KIF1C: variants seen among roughly 807,000 people sequenced by gnomAD.
KIF1C encodes the protein kinesin family member 1C.
KIF1C carries 61 observed loss-of-function variants against 126.5 expected under a neutral mutation model. The ratio of observed to expected loss-of-function variants is 0.48; its 90% CI spans 0.39 to 0.60. The LOEUF is 0.60. Among genes scored for constraint, KIF1C ranks in the 20% least tolerant of loss-of-function variants. The pLI is 0.00. For synonymous variants in KIF1C, 640 were observed against 580.6 expected (o/e 1.10, Z -1.47); for missense variants, 1,315 against 1,489.2 (o/e 0.88, Z 1.93).
chr17:5,007,206 T>C (rs1974754811), intron 14 of KIF1C, 57 bp from the exon 15 acceptor site: 2 of 1,576,796 alleles, frequency 1.3e-6, no homozygotes, highest in South Asian at 2.3e-5. Context: ...AGGTTGTCCC[T>C]ACCCTGGGTC....
rs1974435364 is a variant in KIF1C at position 4,998,155 on chromosome 17, A to G, written c.-150A>G. On this transcript the variant is annotated splice_region_variant and 5_prime_UTR_variant, in exon 1 of 23. Coordinates refer to ENST00000320785, the MANE Select transcript of KIF1C (RefSeq NM_006612.6). ...CTGCTCCGGGAGCCCCGCCGCGCCG[A>G]GGTGAGGGCTGGGGAAGGGGGAGGG... 1 of 151,672 alleles carries G rather than the reference A, an allele frequency of 6.6e-6. No homozygotes were observed. The highest frequency in any genetic ancestry group is 2.4e-5 in the African/African-American group (1 of 41,260). The allele number at this position is 151,672 out of a possible 1,614,324, so 9.4% of individuals were successfully genotyped here. A position where few individuals can be genotyped will look rare whatever the true frequency, so the allele number is the denominator to read the frequency against.
intron 3 of KIF1C, 38 bp from the exon 4 acceptor site, chr17:5,000,734 C>G: frequency 6.3e-7 from 1 of 1,595,870 alleles, no homozygotes; most frequent in South Asian, 1.1e-5. Flanking sequence ...GAATACCTGA[C>G]CTTGACTTTC....
Position 5,023,758 on chromosome 17 carries a change from C to G in KIF1C, c.2919C>G (p.His973Gln), listed in dbSNP as rs767762952. 5.9e-6 allele frequency: 9 copies of G among 1,522,914 alleles called. No individual in the cohort carries two copies. The highest frequency in any genetic ancestry group is 7.0e-6 in the Non-Finnish European group (8 of 1,138,300). The allele number at this position is 1,522,914 out of a possible 1,614,324, so 94.3% of individuals were successfully genotyped here. Residue 973 changes from histidine (H) to glutamine (Q), a missense_variant, in exon 23 of 23, where the codon CAC becomes CAG. Around this residue, in one of 2 missense-constraint regions of KIF1C, gnomAD observed 441 missense variants for 436.1 expected, o/e 1.01. Transcript: ENST00000320785. The surrounding 1 kb of genome is among the most constrained non-coding windows in gnomAD (Gnocchi z 4.2). Reference protein sequence around the residue: ...RRPPARFVPPHDCKLRFPFKS... With the variant: ...RRPPARFVPPQDCKLRFPFKS... ...CCCCAGCCCGCTTTGTGCCCCCTCACGACTGCAAGCTACGCTTCCCCTTCA... is the reference window on the plus strand; with the variant it reads ...CCCCAGCCCGCTTTGTGCCCCCTCAGGACTGCAAGCTACGCTTCCCCTTCA...
chr17:5,020,452 G>A lies in KIF1C; in HGVS notation c.1751-40G>A. The A allele has an allele frequency of 6.4e-7, 1 of 1,566,688 alleles. No individual in the cohort carries two copies. The highest frequency in any genetic ancestry group is 8.7e-7 in the Non-Finnish European group (1 of 1,150,822). ...TGGGTGTAGGGATGGATTTGGTGCT[G>A]ATGGGAAGCGAGTTTACTTTTCCCT... On this transcript the variant is annotated intron_variant, in intron 19 of 22. Coordinates refer to ENST00000320785, the MANE Select transcript of KIF1C (RefSeq NM_006612.6). The surrounding 1 kb of genome is among the most constrained non-coding windows in gnomAD (Gnocchi z 5.8).
At chr17:5,004,298 C>T (rs1974674859) in intron 11 of KIF1C, among the ~76,000 whole-genome samples, 1 of 152,172 alleles carries the variant, frequency 6.6e-6, no homozygotes, top group South Asian at 2.1e-4. Flanking sequence ...CTCATGACCC[C>T]TCCCTGATCC....
chr17:5,009,161 T>G (rs1179735707), intron 16 of KIF1C, among the ~76,000 whole-genome samples: 1 of 150,164 alleles, frequency 6.7e-6, no homozygotes, highest in Non-Finnish European at 1.5e-5. Flanking sequence ...AAGTTTCCCC[T>G]CAGAGGCAGC....
chr17:5,022,333 C>T lies in KIF1C; in HGVS notation c.2252C>T (p.Ala751Val), dbSNP rs1472733846. ...WATMADLKMQ[A>V]VKEICYEVAL... The stretch of plus-strand genomic sequence containing the variant: ...ACCATGGCTGACCTGAAGATGCAGG[C>T]GGTGAAGGAGATCTGCTACGAGGTG... The change falls in exon 22 of 23, where the codon GCG becomes GTG. Residue 751 changes from alanine to valine, a missense_variant. By Grantham distance (64) the Ala-to-Val change is moderately conservative. This residue lies in a region of KIF1C where 874 missense variants were observed against 1,053.2 expected (regional missense o/e 0.83). Coordinates refer to ENST00000320785, the MANE Select transcript of KIF1C (RefSeq NM_006612.6). This position sits in a 1 kb window ranked among gnomAD's most constrained non-coding sequence, Gnocchi z 4.9. The T allele has an allele frequency of 6.9e-6, 11 of 1,603,078 alleles. No individual in the cohort carries two copies. The highest frequency in any genetic ancestry group is 2.3e-5 in the East Asian group (1 of 44,444).
At chr17:4,999,739 G>A (rs1303033434) in intron 1 of KIF1C, 111 bp from the exon 2 acceptor site, 4 of 169,252 alleles carry the variant, frequency 2.4e-5, no homozygotes, top group Admixed American at 1.6e-4. Context: ...AGGGGCAGCT[G>A]TCCGTACTTT....
intron 11 of KIF1C, among the ~76,000 whole-genome samples, chr17:5,004,358 T>C (rs1212777878): frequency 6.6e-6 from 1 of 152,080 alleles, no homozygotes; most frequent in East Asian, 1.9e-4. Context: ...CCTTCCATGG[T>C]TCTGTGACTG....
chr17:5,005,058 T>A, intron 13 of KIF1C, 58 bp downstream of exon 13: 1 of 1,607,956 alleles, frequency 6.2e-7, no homozygotes, highest in South Asian at 1.1e-5. Flanking sequence ...CCATCCCTCC[T>A]CACTTGCCTT....
At chr17:5,021,922 A>T (rs935246113) in intron 21 of KIF1C, among the ~76,000 whole-genome samples, 170 bp from the exon 22 acceptor site, 1 of 152,098 alleles carries the variant, frequency 6.6e-6, no homozygotes, top group African/African-American at 2.4e-5. Context: ...TGTTGTCTAG[A>T]AGAGCAGCGT....
At position 5,004,316 on chromosome 17, in the gene KIF1C, C is replaced by T. The variant is rs185237259; in HGVS notation, c.940+243C>T. ...ATGACCCCTCCCTGATCCCTGATCT[C>T]ACACCCACTGCTGCACTGCTGACTT... On this transcript the variant is annotated intron_variant, in intron 11 of 22. Coordinates refer to ENST00000320785, the MANE Select transcript of KIF1C (RefSeq NM_006612.6). Among the ~76,000 whole-genome samples, 16 of 152,306 alleles carry T rather than the reference C, an allele frequency of 1.1e-4. No homozygotes were observed. The East Asian group carries it at 3.1e-3, about 29-fold the overall frequency.
chr17:5,012,914 C>G (rs1974897329), intron 16 of KIF1C, among the ~76,000 whole-genome samples: 1 of 151,228 alleles, frequency 6.6e-6, no homozygotes, highest in African/African-American at 2.4e-5. Flanking sequence ...CAGCACAGAG[C>G]AGCGTAACAA....
In KIF1C at chr17:5,022,341, G is replaced by C. The variant is rs1975109202; in HGVS notation, c.2260G>C (p.Glu754Gln). ...TGACCTGAAGATGCAGGCGGTGAAG[G>C]AGATCTGCTACGAGGTGGCCCTGGC... ...MADLKMQAVK[E>Q]ICYEVALADF... The change falls in exon 22 of 23, where the codon GAG (glutamate) becomes CAG (glutamine). Residue 754 changes from glutamate (E) to glutamine (Q), a missense_variant. Physicochemically the swap from Glu to Gln is conservative, Grantham distance 29 (BLOSUM62 2). Around this residue, in one of 2 missense-constraint regions of KIF1C, gnomAD observed 874 missense variants for 1,053.2 expected, o/e 0.83. Transcript: ENST00000320785. The surrounding 1 kb of genome is among the most constrained non-coding windows in gnomAD (Gnocchi z 4.9). The C allele has an allele frequency of 1.9e-6, 3 of 1,599,876 alleles. No individual in the cohort carries two copies. The highest frequency in any genetic ancestry group is 2.6e-6 in the Non-Finnish European group (3 of 1,172,842).
chr17:5,027,990 C>T lies in KIF1C; in HGVS notation c.*3839C>T, dbSNP rs370702811. 3 of 152,124 alleles carry T rather than the reference C, an allele frequency of 2.0e-5. No individual in the cohort carries two copies. Among genetic ancestry groups the T allele is most frequent in the East Asian group, 1.9e-4 (1 of 5,188 alleles). 9.4% of individuals were successfully genotyped at this position (152,124 alleles called of 1,614,324 possible). On this transcript the variant is annotated 3_prime_UTR_variant, in exon 23 of 23. Transcript: ENST00000320785. The stretch of plus-strand genomic sequence containing the variant: ...AAAATAAAAAGAACATCAGACATCA[C>T]CATCACCTCGCTTAGAATCCATGGG...
intron 18 of KIF1C, among the ~76,000 whole-genome samples, chr17:5,018,703 C>CA (rs372234383): frequency 0.076 from 10,085 of 132,856 alleles, 414 homozygotes; most frequent in Middle Eastern, 0.15. Context: ...AACTCCATCT[C>CA]AAAAAAAAAA....
intron 11 of KIF1C, 126 bp downstream of exon 11, chr17:5,004,199 C>A: frequency 1.3e-6 from 1 of 776,208 alleles, no homozygotes; most frequent in Non-Finnish European, 2.3e-6. Flanking sequence ...CCCCCTGACC[C>A]TTCAAAGGGA....
rs992816243 is a variant in KIF1C, at chr17:4,999,986, C to T, written c.-28+16C>T. ...AGGACGCCAGGTAACTGGGGGAGAC[C>T]GCCCAGGTTCCTGCAAGCTGGAATA... is the stretch of plus-strand genomic sequence containing the variant. On this transcript the variant is annotated intron_variant, in intron 2 of 22. Transcript: ENST00000320785. 9 of 480,350 alleles carry T rather than the reference C, an allele frequency of 1.9e-5. No homozygotes were observed. The highest frequency in any genetic ancestry group is 5.8e-5 in the African/African-American group (3 of 51,300). The allele number at this position is 480,350 out of a possible 1,614,324, so 29.8% of individuals were successfully genotyped here.
intron 11 of KIF1C, 64 bp from the exon 12 acceptor site, chr17:5,004,503 G>A: frequency 6.7e-7 from 1 of 1,485,354 alleles, no homozygotes; most frequent in East Asian, 2.3e-5. Context: ...CCAGCCCTGT[G>A]ACCCGGTCTG....
Sources: gnomAD v4.1 joint callset for allele counts (sites outside exome capture counted in the v4.1 genomes callset) on GRCh38, gnomAD v4.1.1 for gene constraint, gnomAD v4.1.1 regional missense constraint, Gnocchi (gnomAD v3.1) non-coding constraint, MANE v1.5 for transcripts, NCBI Gene and HGNC (gene_info 2026-07-23, HGNC 2026-07-21) for gene names.